PCSK2: variants seen among roughly 807,000 people sequenced by gnomAD.
PCSK2 encodes the protein proprotein convertase subtilisin/kexin type 2.
In PCSK2, 14 loss-of-function variants were observed where a neutral mutation model predicts 69.7. That is an observed-to-expected ratio of 0.20 (90% CI 0.13 to 0.31). PCSK2 has a LOEUF of 0.31. Among genes scored for constraint, PCSK2 ranks in the 10% least tolerant of loss-of-function variants. The pLI, the probability that PCSK2 is intolerant of heterozygous loss-of-function variation, is 1.00. For synonymous variants in PCSK2, 307 were observed against 320.7 expected, an observed-to-expected ratio of 0.96 and a Z score of 0.46; for missense variants, 544 against 842.5, an observed-to-expected ratio of 0.65 and a Z score of 4.39.
chr20:17,272,484 G>T (rs1987907763), intron 2 of PCSK2, among the ~76,000 whole-genome samples: 1 of 151,996 alleles, frequency 6.6e-6, no homozygotes, highest in African/African-American at 2.4e-5. Context: ...CTTTAAAAAG[G>T]ATTTATTTTT....
At chr20:17,375,733 A>T (rs1018940158) in intron 5 of PCSK2, among the ~76,000 whole-genome samples, 2 of 152,076 alleles carry the variant, frequency 1.3e-5, no homozygotes, top group African/African-American at 4.8e-5. Context: ...ACTGTGAGTG[A>T]TGCTCTGAGC....
intron 1 of PCSK2, among the ~76,000 whole-genome samples, chr20:17,259,481 C>T (rs1200078280): frequency 6.6e-6 from 1 of 152,126 alleles, no homozygotes; most frequent in East Asian, 1.9e-4. Flanking sequence ...TGGTAACAGA[C>T]CTGAGCCACA....
At chr20:17,273,472 T>G (rs1264925416) in intron 2 of PCSK2, among the ~76,000 whole-genome samples, 1 of 152,180 alleles carries the variant, frequency 6.6e-6, no homozygotes, top group Non-Finnish European at 1.5e-5. Context: ...GAAGTATGAC[T>G]CCATCTAAAG....
chr20:17,347,002 C>A (rs1210596272), intron 2 of PCSK2, among the ~76,000 whole-genome samples: 1 of 152,130 alleles, frequency 6.6e-6, no homozygotes, highest in African/African-American at 2.4e-5. Flanking sequence ...TGATAGATAG[C>A]AATTTGTTAA....
At chr20:17,303,488 TATA>T (rs1989196033) in intron 2 of PCSK2, among the ~76,000 whole-genome samples, 2 of 54,706 alleles carry the variant, frequency 3.7e-5, no homozygotes, top group African/African-American at 7.5e-5. Context: ...TAATATATAT[TATA>T]TTTAATATAA....
intron 2 of PCSK2, among the ~76,000 whole-genome samples, chr20:17,300,491 T>C (rs997000379): frequency 2.0e-5 from 3 of 152,264 alleles, no homozygotes; most frequent in East Asian, 3.8e-4. Context: ...ATGCATGTTG[T>C]CTGATTTACA....
intron 10 of PCSK2, among the ~76,000 whole-genome samples, chr20:17,457,951 G>A (rs2123388993): frequency 6.6e-6 from 1 of 152,320 alleles, no homozygotes; most frequent in South Asian, 2.1e-4. Flanking sequence ...ATAAATCAAA[G>A]TGGGGGAGTG....
At chr20:17,270,030 C>A (rs1441728934) in intron 2 of PCSK2, among the ~76,000 whole-genome samples, 1 of 152,098 alleles carries the variant, frequency 6.6e-6, no homozygotes. Context: ...CCTCAAACCT[C>A]TGCTTCAAAA....
At chr20:17,279,948 A>T (rs1328286460) in intron 2 of PCSK2, among the ~76,000 whole-genome samples, 1 of 151,898 alleles carries the variant, frequency 6.6e-6, no homozygotes, top group African/African-American at 2.4e-5. Context: ...AAAGTAATGC[A>T]TATATGCATT....
intron 8 of PCSK2, among the ~76,000 whole-genome samples, chr20:17,450,139 T>C (rs192424795): frequency 2.1e-5 from 3 of 145,402 alleles, no homozygotes; most frequent in East Asian, 2.2e-4. Flanking sequence ...CGCCATTCTC[T>C]TGCCTCAGCC....
chr20:17,412,442 T>G (rs531897774), intron 6 of PCSK2, among the ~76,000 whole-genome samples: 1 of 151,876 alleles, frequency 6.6e-6, no homozygotes, highest in Non-Finnish European at 1.5e-5. Context: ...TGATTGAAGA[T>G]CAAATTAATG....
chr20:17,362,913 T>C (rs554693667), intron 4 of PCSK2, among the ~76,000 whole-genome samples: 62 of 152,352 alleles, frequency 4.1e-4, no homozygotes, highest in Admixed American at 7.8e-4. Context: ...CAAGGACAGA[T>C]GCTCTTGCCA....
At chr20:17,301,149 A>G (rs1989067062) in intron 2 of PCSK2, among the ~76,000 whole-genome samples, 1 of 152,244 alleles carries the variant, frequency 6.6e-6, no homozygotes, top group African/African-American at 2.4e-5. Flanking sequence ...GGATAAGCAA[A>G]GAGAGCAAAT....
intron 5 of PCSK2, among the ~76,000 whole-genome samples, chr20:17,397,906 T>C (rs1329035008): frequency 1.3e-5 from 2 of 152,232 alleles, no homozygotes; most frequent in African/African-American, 2.4e-5. Flanking sequence ...GAGCTGACTT[T>C]TTCCATAGAG....
intron 8 of PCSK2, among the ~76,000 whole-genome samples, chr20:17,447,533 C>A (rs2032723800): frequency 6.6e-6 from 1 of 152,176 alleles, no homozygotes; most frequent in South Asian, 2.1e-4. Context: ...TCATGCACTG[C>A]TGGTAAACAT....
chr20:17,294,900 A>G lies in PCSK2; in HGVS notation c.282+34556A>G, dbSNP rs548496662. Among the ~76,000 whole-genome samples the G allele has an allele frequency of 2.0e-5, 3 of 152,214 alleles. No individual in the cohort carries two copies. The East Asian group carries it at 5.8e-4, about 29-fold the overall frequency. ...TTATTACATAGGTATAAGACACTCT[A>G]GGTCTCTCAACACTTCTTACCCTCC... On this transcript the variant is annotated intron_variant, in intron 2 of 11. Coordinates refer to ENST00000262545, the MANE Select transcript of PCSK2 (RefSeq NM_002594.5).
chr20:17,326,805 T>C (rs1990068007), intron 2 of PCSK2, among the ~76,000 whole-genome samples: 2 of 152,174 alleles, frequency 1.3e-5, no homozygotes. Context: ...AAAGGATTTA[T>C]TTGTACCCAC....
chr20:17,275,151 A>G (rs1387062928), intron 2 of PCSK2, among the ~76,000 whole-genome samples: 2 of 150,542 alleles, frequency 1.3e-5, no homozygotes, highest in African/African-American at 2.4e-5. Flanking sequence ...TTCTTATAAA[A>G]GAGTCCCTTT....
intron 2 of PCSK2, among the ~76,000 whole-genome samples, chr20:17,339,080 T>C (rs1990435753): frequency 6.6e-6 from 1 of 152,112 alleles, no homozygotes; most frequent in Non-Finnish European, 1.5e-5. Flanking sequence ...AACAAGACCC[T>C]CCCCTAGAAA....
Sources: allele counts gnomAD v4.1 joint callset (sites outside exome capture counted in the v4.1 genomes callset), GRCh38; gene constraint gnomAD v4.1.1; transcripts MANE v1.5; gene names NCBI Gene and HGNC (gene_info 2026-07-23, HGNC 2026-07-21).